Variants in GRIK2 observed in about 807,000 individuals in gnomAD.
The protein encoded by GRIK2 is glutamate ionotropic receptor kainate type subunit 2, also known as glutamate receptor ionotropic, kainate 2.
GRIK2 carries 32 observed loss-of-function variants against 100.3 expected under a neutral mutation model. The ratio of observed to expected loss-of-function variants is 0.32; its 90% CI spans 0.24 to 0.43. The LOEUF (loss-of-function observed/expected upper bound fraction) is 0.43. Among genes scored for constraint, GRIK2 ranks in the 20% least tolerant of loss-of-function variants. The probability of loss-of-function intolerance (pLI) is 1.00; values close to 1 mark genes in which losing one functional copy is unlikely to be tolerated. For missense variants in GRIK2, 843 were observed against 1,114.9 expected (o/e 0.76, Z 3.47); for synonymous variants, 417 against 389.4 (o/e 1.07, Z -0.83).
chr6:101,969,198 A>G (rs1792882582), intron 14 of GRIK2, among the ~76,000 whole-genome samples: 1 of 151,982 alleles, frequency 6.6e-6, no homozygotes, highest in Non-Finnish European at 1.5e-5. Context: ...TATTTTTTAA[A>G]TGCATGATTG....
chr6:101,433,191 T>C (rs140326079), intron 2 of GRIK2, among the ~76,000 whole-genome samples: 4 of 152,292 alleles, frequency 2.6e-5, no homozygotes, highest in Admixed American at 6.5e-5. Context: ...GTGAGAATCA[T>C]AGACACGAAA....
rs1288074059 is a variant in GRIK2 at position 101,487,324 on chromosome 6, C to T, written c.115+87932C>T. Reference sequence around the variant, plus strand: ...TTCAAAGACACTGACCATTCTAGGACGGCTGCTTCTCACCAGCCTTACAAA... The same window carrying T: ...TTCAAAGACACTGACCATTCTAGGATGGCTGCTTCTCACCAGCCTTACAAA... On this transcript the variant is annotated intron_variant, in intron 2 of 16. Transcript: ENST00000369134. 2.7e-5 allele frequency among the ~76,000 whole-genome samples: 4 copies of T among 146,454 alleles called. 1 individual carries two copies. Among genetic ancestry groups the T allele is most frequent in the South Asian group, 2.2e-4 (1 of 4,640 alleles).
At chr6:101,931,808 A>G (rs574011245) in intron 14 of GRIK2, among the ~76,000 whole-genome samples, 22 of 152,280 alleles carry the variant, frequency 1.4e-4, no homozygotes, top group African/African-American at 5.3e-4. Flanking sequence ...GGTATCACCA[A>G]TATGTTCTTA....
chr6:101,732,120 T>C (rs1467634188), intron 7 of GRIK2, among the ~76,000 whole-genome samples: 2 of 151,972 alleles, frequency 1.3e-5, no homozygotes, highest in Non-Finnish European at 2.9e-5. Flanking sequence ...ACACCTTTTT[T>C]TTCCTAGTGT....
intron 7 of GRIK2, among the ~76,000 whole-genome samples, chr6:101,781,376 T>C (rs1464488021): frequency 6.6e-6 from 1 of 152,218 alleles, no homozygotes; most frequent in Admixed American, 6.5e-5. Context: ...TTTACCTCAA[T>C]GTTCCTTGGG....
At chr6:101,693,290 G>A (rs1410414754) in intron 7 of GRIK2, among the ~76,000 whole-genome samples, 1 of 152,022 alleles carries the variant, frequency 6.6e-6, no homozygotes, top group African/African-American at 2.4e-5. Context: ...TAAATCAAGA[G>A]AGATTTTTTC....
chr6:101,428,597 G>A (rs546001903), intron 2 of GRIK2, among the ~76,000 whole-genome samples: 9 of 152,178 alleles, frequency 5.9e-5, no homozygotes, highest in Admixed American at 2.0e-4. Flanking sequence ...TTGCAGTTAC[G>A]TAAGGAAATT....
At chr6:101,877,457 G>T (rs9498733) in intron 11 of GRIK2, among the ~76,000 whole-genome samples, 2,252 of 151,982 alleles carry the variant, frequency 0.015, 59 homozygotes, top group African/African-American at 0.052. Context: ...AGGAGGATGT[G>T]CATAGGTTAT....
intron 10 of GRIK2, among the ~76,000 whole-genome samples, chr6:101,842,187 C>T (rs1055830163): frequency 5.3e-5 from 8 of 152,112 alleles, no homozygotes; most frequent in South Asian, 2.1e-4. Context: ...TATTTCCCCC[C>T]GGACTTTCTA....
intron 2 of GRIK2, among the ~76,000 whole-genome samples, chr6:101,447,881 C>T (rs1017275067): frequency 6.6e-6 from 1 of 151,784 alleles, no homozygotes. Flanking sequence ...AGTTACCAGA[C>T]CTTTTGTCAT....
chr6:101,865,404 A>C (rs1784987235), intron 11 of GRIK2, among the ~76,000 whole-genome samples: 1 of 152,166 alleles, frequency 6.6e-6, no homozygotes, highest in South Asian at 2.1e-4. Flanking sequence ...TATATGTTGG[A>C]AAGGAAATCA....
chr6:101,872,823 C>G (rs943774950), intron 11 of GRIK2, among the ~76,000 whole-genome samples: 2 of 151,766 alleles, frequency 1.3e-5, no homozygotes, highest in Non-Finnish European at 2.9e-5. Context: ...TGTCTGTTTT[C>G]AATGAGAATT....
At chr6:101,435,557 G>A (rs903794084) in intron 2 of GRIK2, among the ~76,000 whole-genome samples, 4 of 151,968 alleles carry the variant, frequency 2.6e-5, no homozygotes, top group South Asian at 2.1e-4. Context: ...ATCTCCAGGC[G>A]TCTCCCTTTT....
At chr6:101,703,247 G>A (rs1773021246) in intron 7 of GRIK2, among the ~76,000 whole-genome samples, 1 of 151,884 alleles carries the variant, frequency 6.6e-6, no homozygotes, top group Non-Finnish European at 1.5e-5. Flanking sequence ...AGGGTATAGT[G>A]TGAATAGAGG....
intron 11 of GRIK2, among the ~76,000 whole-genome samples, chr6:101,865,168 A>G (rs1784971397): frequency 6.6e-6 from 1 of 152,266 alleles, no homozygotes; most frequent in African/African-American, 2.4e-5. Flanking sequence ...TTCAGCTTAG[A>G]AAACAACTAT....
intron 2 of GRIK2, among the ~76,000 whole-genome samples, chr6:101,478,428 A>C (rs1772359130): frequency 6.6e-6 from 1 of 151,936 alleles, no homozygotes; most frequent in Non-Finnish European, 1.5e-5. Flanking sequence ...AATGGTTATA[A>C]ATATAACCAG....
chr6:101,794,243 C>T (rs1432296097), intron 7 of GRIK2, among the ~76,000 whole-genome samples: 1 of 152,072 alleles, frequency 6.6e-6, no homozygotes, highest in Non-Finnish European at 1.5e-5. Flanking sequence ...TCTGGCACTC[C>T]CTAGTGAGAT....
At chr6:101,839,796 T>G (rs193105525) in intron 10 of GRIK2, among the ~76,000 whole-genome samples, 1 of 152,240 alleles carries the variant, frequency 6.6e-6, no homozygotes, top group East Asian at 1.9e-4. Flanking sequence ...AAGTCAGAAT[T>G]TAGGAAGACA....
intron 2 of GRIK2, among the ~76,000 whole-genome samples, chr6:101,435,870 T>A (rs1423936679): frequency 1.3e-5 from 2 of 152,162 alleles, no homozygotes; most frequent in Non-Finnish European, 2.9e-5. Context: ...TATCAAAGCT[T>A]CCTGGATCTA....
Sources: gnomAD v4.1 joint callset for allele counts (sites outside exome capture counted in the v4.1 genomes callset) on GRCh38, gnomAD v4.1.1 for gene constraint, MANE v1.5 for transcripts, NCBI Gene and HGNC (gene_info 2026-07-23, HGNC 2026-07-21) for gene names.